Variants in GALNT18 observed in about 807,000 individuals in gnomAD.
GALNT18 encodes polypeptide N-acetylgalactosaminyltransferase 18.
Under a neutral mutation model 69.5 loss-of-function variants are expected in GALNT18, and 44 were observed. That is an observed-to-expected ratio of 0.63 (90% confidence interval 0.50 to 0.81). The LOEUF (loss-of-function observed/expected upper bound fraction) is 0.81. Among genes scored for constraint, GALNT18 ranks in the 40% least tolerant of loss-of-function variants. The pLI, the probability that GALNT18 is intolerant of heterozygous loss-of-function variation, is 0.00. For missense variants in GALNT18, 715 were observed against 810.0 expected, an observed-to-expected ratio of 0.88 and a Z score of 1.42; for synonymous variants, 364 against 318.2, an observed-to-expected ratio of 1.14 and a Z score of -1.53.
chr11:11,370,711 T>C (rs1007450100), intron 6 of GALNT18, among the ~76,000 whole-genome samples: 2 of 152,206 alleles, frequency 1.3e-5, no homozygotes, highest in Non-Finnish European at 2.9e-5. Context: ...AATAGCTTTA[T>C]AACTTTATAA....
At chr11:11,352,623 T>C in intron 6 of GALNT18, 1 of 1,614,218 alleles carries the variant, frequency 6.2e-7, no homozygotes, top group African/African-American at 1.3e-5. Context: ...TCTGTGCTCA[T>C]GATCAATCAT....
rs781216777 is a variant in GALNT18, at chr11:11,534,628, C to T, written c.236-85692G>A. On this transcript the variant is annotated intron_variant, in intron 1 of 10. Coordinates refer to ENST00000227756, the MANE Select transcript of GALNT18 (RefSeq NM_198516.3). ...CTTGCCCAAGACGTCAGATTACCAC[C>T]CCTCCTGCCATTCTATGTGACTTGA... Among the ~76,000 whole-genome samples, 83 of 152,222 alleles carry T rather than the reference C, an allele frequency of 5.5e-4. 1 individual carries two copies. The highest frequency in any genetic ancestry group is 2.1e-4 in the South Asian group (1 of 4,828).
At chr11:11,303,525 A>G (rs1337796622) in intron 9 of GALNT18, among the ~76,000 whole-genome samples, 1 of 152,008 alleles carries the variant, frequency 6.6e-6, no homozygotes, top group Non-Finnish European at 1.5e-5. Context: ...ACCTGTGGCC[A>G]TTATGTCCAG....
intron 1 of GALNT18, chr11:11,475,136 C>G (rs1293143134): frequency 6.7e-6 from 1 of 150,188 alleles, no homozygotes; most frequent in Non-Finnish European, 1.5e-5. Context: ...AACTTTCTCC[C>G]ATTTCAATTT....
rs1239801665 is a variant in GALNT18, at chr11:11,596,565, T to A, written c.235+24794A>T. Among the ~76,000 whole-genome samples the A allele has an allele frequency of 6.6e-6, 1 of 152,200 alleles. No homozygotes were observed. Among genetic ancestry groups the A allele is most frequent in the Non-Finnish European group, 1.5e-5 (1 of 68,012 alleles). On this transcript the variant is annotated intron_variant, in intron 1 of 10. Coordinates refer to ENST00000227756, the MANE Select transcript of GALNT18 (RefSeq NM_198516.3). This position sits in a 1 kb window ranked among gnomAD's most constrained non-coding sequence, Gnocchi z 4.2. ...ACAATGTTTTGTAGTTTTCAGAGTA[T>A]GAGTTTCTGCACTTTTTTCTTAATT...
At chr11:11,319,038 T>C (rs1169131754) in intron 9 of GALNT18, among the ~76,000 whole-genome samples, 1 of 152,222 alleles carries the variant, frequency 6.6e-6, no homozygotes, top group Non-Finnish European at 1.5e-5. Context: ...TTTGACGTTT[T>C]TCTTTAGAAA....
At chr11:11,517,209 T>C (rs1357791410) in intron 1 of GALNT18, among the ~76,000 whole-genome samples, 1 of 152,166 alleles carries the variant, frequency 6.6e-6, no homozygotes, top group African/African-American at 2.4e-5. Flanking sequence ...CAGTCTACAG[T>C]GTCTTATTTA....
intron 3 of GALNT18, among the ~76,000 whole-genome samples, chr11:11,414,928 C>T (rs542019824): frequency 6.6e-6 from 1 of 152,316 alleles, no homozygotes; most frequent in African/African-American, 2.4e-5. Flanking sequence ...AAGGTGTTGG[C>T]CAGCACTGTA....
chr11:11,298,713 C>G (rs1564885928), intron 9 of GALNT18, among the ~76,000 whole-genome samples: 1 of 152,250 alleles, frequency 6.6e-6, no homozygotes, highest in Non-Finnish European at 1.5e-5. Flanking sequence ...TCTAGAGCCC[C>G]TCTCCCAGCC....
chr11:11,457,174 C>T (rs918384878), intron 1 of GALNT18, among the ~76,000 whole-genome samples: 3 of 152,238 alleles, frequency 2.0e-5, no homozygotes, highest in African/African-American at 7.2e-5. Context: ...GCCCCACTGG[C>T]TCGTGCTCCA....
rs57957956 is a variant in GALNT18, at chr11:11,408,364, C to CAA, written c.595+24255_595+24256dup. ...TGAGTGACAGAGCAAGACTTCATCT[C>CAA]AAAAAAAAAAAAAAAAAAAAAAAAA... On this transcript the variant is annotated intron_variant, in intron 3 of 10. Transcript: ENST00000227756. Among the ~76,000 whole-genome samples, 105 of 70,880 alleles carry CAA rather than the reference C, an allele frequency of 1.5e-3. 2 individuals carry two copies. The highest frequency in any genetic ancestry group is 4.6e-3 in the African/African-American group (89 of 19,474). The allele number at this position is 70,880 out of a possible 152,430, so 46.5% of individuals were successfully genotyped here.
At chr11:11,411,569 G>T (rs745883491) in intron 3 of GALNT18, among the ~76,000 whole-genome samples, 1 of 152,182 alleles carries the variant, frequency 6.6e-6, no homozygotes, top group Non-Finnish European at 1.5e-5. Flanking sequence ...GCACTGAAAG[G>T]CCAACTGGGG....
At chr11:11,342,011 T>C (rs4909991) in intron 6 of GALNT18, among the ~76,000 whole-genome samples, 22,902 of 151,988 alleles carry the variant, frequency 0.15, 2,195 homozygotes, top group Middle Eastern at 0.21. Flanking sequence ...GGCCCCAACA[T>C]TGTGGAGTCT....
chr11:11,411,085 G>A (rs997088930), intron 3 of GALNT18, among the ~76,000 whole-genome samples: 1 of 152,176 alleles, frequency 6.6e-6, no homozygotes, highest in Non-Finnish European at 1.5e-5. Context: ...AGCTGAGGAG[G>A]GAGGATCACT....
chr11:11,276,267 C>T (rs1313091019), intron 10 of GALNT18, among the ~76,000 whole-genome samples: 3 of 152,074 alleles, frequency 2.0e-5, no homozygotes, highest in Non-Finnish European at 4.4e-5. Flanking sequence ...AAGTTGGATT[C>T]CTAGGTATTT....
chr11:11,575,413 C>A lies in GALNT18; in HGVS notation c.235+45946G>T, dbSNP rs538242786. Among the ~76,000 whole-genome samples, 210 of 152,310 alleles carry A rather than the reference C, an allele frequency of 1.4e-3. 3 individuals are homozygous for A. Among genetic ancestry groups the A allele is most frequent in the South Asian group, 2.1e-4 (1 of 4,818 alleles). On this transcript the variant is annotated intron_variant, in intron 1 of 10. Coordinates refer to ENST00000227756, the MANE Select transcript of GALNT18 (RefSeq NM_198516.3). ...TAAAGCTTTTCCTGATCATCCAAGGCAAGGCCCACCCTCTGACCTCTCAGG... is the reference window on the plus strand; with the variant it reads ...TAAAGCTTTTCCTGATCATCCAAGGAAAGGCCCACCCTCTGACCTCTCAGG...
rs1196511944 is a variant in GALNT18, at chr11:11,606,290, C to T, written c.235+15069G>A. Among the ~76,000 whole-genome samples, 1 of 152,174 alleles carries T rather than the reference C, an allele frequency of 6.6e-6. No individual in the cohort carries two copies. Among genetic ancestry groups the T allele is most frequent in the East Asian group, 1.9e-4 (1 of 5,198 alleles). On this transcript the variant is annotated intron_variant, in intron 1 of 10. Transcript: ENST00000227756. The surrounding 1 kb of genome is among the most constrained non-coding windows in gnomAD (Gnocchi z 5.4). Reference sequence around the variant, plus strand: ...AAACAGGAAAAACCGGACCCAGTCTCCACCTTTAAGTAACCCACAGTCTAA... The same window carrying T: ...AAACAGGAAAAACCGGACCCAGTCTTCACCTTTAAGTAACCCACAGTCTAA...
At chr11:11,394,753 G>T (rs1251905356) in intron 3 of GALNT18, among the ~76,000 whole-genome samples, 1 of 152,220 alleles carries the variant, frequency 6.6e-6, no homozygotes, top group Non-Finnish European at 1.5e-5. Context: ...TATAATTAGA[G>T]GTGGTACCGA....
chr11:11,393,560 C>T (rs1854247239), intron 3 of GALNT18, among the ~76,000 whole-genome samples: 1 of 152,256 alleles, frequency 6.6e-6, no homozygotes, highest in South Asian at 2.1e-4. Context: ...GCTCTCCTTG[C>T]ATATGCTTTT....
Sources: allele counts gnomAD v4.1 joint callset (sites outside exome capture counted in the v4.1 genomes callset), GRCh38; gene constraint gnomAD v4.1.1; non-coding constraint Gnocchi (gnomAD v3.1); transcripts MANE v1.5; gene names NCBI Gene and HGNC (gene_info 2026-07-23, HGNC 2026-07-21).